LZTS3: variants seen among roughly 807,000 people sequenced by gnomAD.
LZTS3 encodes leucine zipper putative tumor suppressor 3.
Under a neutral mutation model 50.9 loss-of-function variants are expected in LZTS3, and 16 were observed. The observed-to-expected ratio is 0.31, with a 90% confidence interval of 0.21 to 0.48. LZTS3 has a LOEUF of 0.48. Ranked by LOEUF, LZTS3 falls within the 20% of genes least tolerant of loss-of-function variation. LZTS3 has a pLI of 0.99. For missense variants in LZTS3, 816 were observed against 931.0 expected (o/e 0.88, Z 1.61); for synonymous variants, 408 against 410.6 (o/e 0.99, Z 0.08).
chr20:3,165,880 G>C lies in LZTS3; in HGVS notation c.940C>G (p.Pro314Ala), dbSNP rs1222193742. ...GGGLPFAACS[P>A]PSPSALIQEL... ...TGGATGAGTGCACTGGGGGAGGGCGGTGAGCAGGCCGCGAAAGGCAGGCCT... is the reference window on the plus strand; with the variant it reads ...TGGATGAGTGCACTGGGGGAGGGCGCTGAGCAGGCCGCGAAAGGCAGGCCT... The change falls in exon 4 of 5, where the codon CCG becomes GCG. Residue 314 changes from proline (P) to alanine (A), a missense_variant. Coordinates refer to ENST00000337576, the MANE Select transcript of LZTS3 (RefSeq NM_001365618.1). This position sits in a 1 kb window ranked among gnomAD's most constrained non-coding sequence, Gnocchi z 5.0. 6.2e-7 allele frequency: 1 copy of C among 1,607,078 alleles called. No individual in the cohort carries two copies. The highest frequency in any genetic ancestry group is 8.5e-7 in the Non-Finnish European group (1 of 1,179,560).
chr20:3,171,617 G>T (rs559491272), intron 1 of LZTS3, among the ~76,000 whole-genome samples: 32 of 147,182 alleles, frequency 2.2e-4, no homozygotes, highest in African/African-American at 7.1e-4. Flanking sequence ...GTGATATTGC[G>T]CCACTGCACT....
In LZTS3 at chr20:3,166,796, C is replaced by T; in HGVS notation, c.368G>A (p.Ser123Asn). Residue 123 changes from serine (S) to asparagine (N), a missense_variant, in exon 3 of 5, where the codon AGC (serine) becomes AAC (asparagine). Physicochemically the swap from Ser to Asn is conservative, Grantham distance 46 (BLOSUM62 1). Transcript: ENST00000337576. Reference protein sequence around the residue: ...GNVVGSSGGSSSSGGSDKAPP... With the variant: ...GNVVGSSGGSNSSGGSDKAPP... ...GGCTTTGTCACTGCCACCACTGCTG[C>T]TGCTGCCTCCGCTGCTGCCAACCAC... 6.2e-7 allele frequency: 1 copy of T among 1,613,832 alleles called. No homozygotes were observed. Among genetic ancestry groups the T allele is most frequent in the Non-Finnish European group, 8.5e-7 (1 of 1,179,994 alleles).
chr20:3,172,344 A>G (rs1425820818), intron 1 of LZTS3, among the ~76,000 whole-genome samples: 1 of 152,162 alleles, frequency 6.6e-6, no homozygotes, highest in Non-Finnish European at 1.5e-5. Flanking sequence ...TTAAGAAGTA[A>G]ATGTATGATG....
Position 3,165,649 on chromosome 20 carries a change from G to T in LZTS3, c.1171C>A (p.Leu391Met). 1 of 1,594,526 alleles carries T rather than the reference G, an allele frequency of 6.3e-7. No homozygotes were observed. Among genetic ancestry groups the T allele is most frequent in the Non-Finnish European group, 8.5e-7 (1 of 1,177,562 alleles). ...TCCTGCTGCAGCCGCAACACCTGCA[G>T]CTGTAGGCCCTGCTGGGCGCGCTGG... is the stretch of plus-strand genomic sequence containing the variant. ...RAQRAQQGLQ[L>M]QVLRLQQDKK... Residue 391 changes from leucine to methionine, a missense_variant, in exon 4 of 5, where the codon CTG becomes ATG. Transcript: ENST00000337576. The surrounding 1 kb of genome is among the most constrained non-coding windows in gnomAD (Gnocchi z 5.0).
At chr20:3,171,789 G>A (rs1170915633) in intron 1 of LZTS3, among the ~76,000 whole-genome samples, 1 of 152,152 alleles carries the variant, frequency 6.6e-6, no homozygotes, top group Non-Finnish European at 1.5e-5. Context: ...AACTGAGCAT[G>A]GTCTGCAAAG....
At chr20:3,171,002 G>A (rs55916639) in intron 1 of LZTS3, among the ~76,000 whole-genome samples, 20,046 of 152,114 alleles carry the variant, frequency 0.13, 1,502 homozygotes, top group African/African-American at 0.19. Context: ...TGCCAATAGT[G>A]AGATGAAAGA....
In LZTS3 at chr20:3,167,152, C is replaced by T. The variant is rs761955768; in HGVS notation, c.12G>A (p.Leu4=). 6.8e-7 allele frequency: 1 copy of T among 1,480,108 alleles called. No individual in the cohort carries two copies. The highest frequency in any genetic ancestry group is 8.9e-7 in the Non-Finnish European group (1 of 1,120,736). 91.7% of individuals were successfully genotyped at this position (1,480,108 alleles called of 1,614,324 possible). ...GGTCAGCGCGCACAGGCAGCGTCTC[C>T]AGCTTCGCCATGACTAAGCCAGGGG... MAK[L]ETLPVRADPG... The change falls in exon 3 of 5, where the codon CTG becomes CTA. Residue 4 remains leucine (L), a synonymous_variant. Coordinates refer to ENST00000337576, the MANE Select transcript of LZTS3 (RefSeq NM_001365618.1).
chr20:3,164,766 C>A lies in LZTS3; in HGVS notation c.1710G>T (p.Thr570=). Residue 570 remains threonine, a synonymous_variant, in exon 5 of 5, where the codon ACG becomes ACT. Transcript: ENST00000337576. ...GCCCCACCTCCCGCCGCAGGGCCCG[C>A]GTCCCGCTCTCCCCGCCAGCCTCCG... The part of the protein sequence containing the change: ...GEAEAGGESG[T]RALRREVGRL... The A allele has an allele frequency of 6.6e-7, 1 of 1,521,452 alleles. No homozygotes were observed. Among genetic ancestry groups the A allele is most frequent in the African/African-American group, 1.4e-5 (1 of 70,358 alleles). The allele number at this position is 1,521,452 out of a possible 1,614,324, so 94.2% of individuals were successfully genotyped here. A position where few individuals can be genotyped will look rare whatever the true frequency, so the allele number is the denominator to read the frequency against.
In LZTS3 at chr20:3,165,304, G is replaced by C; in HGVS notation, c.1324-152C>G. Reference sequence around the variant, plus strand: ...AGCGACGCACCCGATTCCCTGCCTGGACTCAAGATGGACATGTCTCACCCA... The same window carrying C: ...AGCGACGCACCCGATTCCCTGCCTGCACTCAAGATGGACATGTCTCACCCA... On this transcript the variant is annotated intron_variant, in intron 4 of 4. Coordinates refer to ENST00000337576, the MANE Select transcript of LZTS3 (RefSeq NM_001365618.1). This position sits in a 1 kb window ranked among gnomAD's most constrained non-coding sequence, Gnocchi z 5.0. 8.6e-7 allele frequency: 1 copy of C among 1,166,758 alleles called. No homozygotes were observed. The highest frequency in any genetic ancestry group is 1.2e-6 in the Non-Finnish European group (1 of 855,854). 72.3% of individuals were successfully genotyped at this position (1,166,758 alleles called of 1,614,324 possible).
chr20:3,172,412 G>T (rs2066911936), intron 1 of LZTS3, among the ~76,000 whole-genome samples: 1 of 152,172 alleles, frequency 6.6e-6, no homozygotes, highest in African/African-American at 2.4e-5. Context: ...TTGCAGCAGG[G>T]TCCCCAAGGA....
chr20:3,170,994 C>A (rs1424040774), intron 1 of LZTS3, among the ~76,000 whole-genome samples: 1 of 151,942 alleles, frequency 6.6e-6, no homozygotes. Flanking sequence ...AGGGAAGTTG[C>A]CAATAGTGAG....
In LZTS3 at chr20:3,167,064, G is replaced by T. The variant is rs1397473678; in HGVS notation, c.100C>A (p.Arg34Ser). ...RPSELGPPDP[R>S]LAMGSVGSGV... ...CTGCCCACGCTGCCCATGGCCAGGC[G>T]GGGGTCCGGGGGTCCAAGCTCGGAG... The change falls in exon 3 of 5, where the codon CGC (arginine) becomes AGC (serine). Residue 34 changes from arginine (R) to serine (S), a missense_variant. Physicochemically the swap from Arg to Ser is moderately radical, Grantham distance 110. Transcript: ENST00000337576. 1.9e-6 allele frequency: 3 copies of T among 1,552,160 alleles called. No individual in the cohort carries two copies. The highest frequency in any genetic ancestry group is 2.6e-6 in the Non-Finnish European group (3 of 1,152,046).
intron 1 of LZTS3, among the ~76,000 whole-genome samples, chr20:3,170,486 C>CAAAAAAAA (rs397955055): frequency 0.16 from 11,302 of 71,862 alleles, 1,657 homozygotes; most frequent in African/African-American, 0.28. Context: ...GAGACTACAT[C>CAAAAAAAA]AAAAAAAAAA....
chr20:3,166,862 C>G lies in LZTS3; in HGVS notation c.302G>C (p.Gly101Ala). Residue 101 changes from glycine (G) to alanine (A), a missense_variant, in exon 3 of 5, where the codon GGT (glycine) becomes GCT (alanine). Physicochemically the swap from Gly to Ala is moderately conservative, Grantham distance 60 (BLOSUM62 0). Coordinates refer to ENST00000337576, the MANE Select transcript of LZTS3 (RefSeq NM_001365618.1). ...KGLANSLYLN[G>A]ELRGSDHTDV... Reference sequence around the variant, plus strand: ...GGTGTGGTCACTGCCCCGCAGCTCACCATTGAGGTAGAGGGAGTTGGCGAG... The same window carrying G: ...GGTGTGGTCACTGCCCCGCAGCTCAGCATTGAGGTAGAGGGAGTTGGCGAG... The G allele has an allele frequency of 6.2e-7, 1 of 1,613,842 alleles. No homozygotes were observed.
chr20:3,173,061 G>A (rs2066918540), intron 1 of LZTS3, among the ~76,000 whole-genome samples: 1 of 151,990 alleles, frequency 6.6e-6, no homozygotes, highest in African/African-American at 2.4e-5. Context: ...GGTGGGAGGG[G>A]GGGTCGCCAT....
rs760762413 is a variant in LZTS3, at chr20:3,166,210, G to A, written c.610C>T (p.Arg204Trp). Residue 204 changes from arginine to tryptophan, a missense_variant, in exon 4 of 5, where the codon CGG becomes TGG. By Grantham distance (101) the Arg-to-Trp change is moderately radical. Coordinates refer to ENST00000337576, the MANE Select transcript of LZTS3 (RefSeq NM_001365618.1). ...GGLKGGLDKS[R>W]TMTPAGGSGS... ...CTCCCACCCGCTGGAGTCATGGTCC[G>A]AGACTTGTCCAGTCCGCCTTTGAGG... 1.3e-5 allele frequency: 21 copies of A among 1,613,630 alleles called. No homozygotes were observed. In the Admixed American group the frequency reaches 1.7e-4, roughly 13 times the overall value.
chr20:3,164,954 C>T lies in LZTS3; in HGVS notation c.1522G>A (p.Gly508Ser), dbSNP rs1407762118. 1.9e-6 allele frequency: 3 copies of T among 1,555,400 alleles called. No homozygotes were observed. Among genetic ancestry groups the T allele is most frequent in the Admixed American group, 1.9e-5 (1 of 52,690 alleles). Residue 508 changes from glycine to serine, a missense_variant, in exon 5 of 5, where the codon GGC becomes AGC. Gly to Ser is a moderately conservative substitution (Grantham distance 56). Transcript: ENST00000337576. ...CAGGCGGCAGGCAGCTCGCCTTCGCCCAGCTCCAGGCTGGCCTGCTTGCTG... is the reference window on the plus strand; with the variant it reads ...CAGGCGGCAGGCAGCTCGCCTTCGCTCAGCTCCAGGCTGGCCTGCTTGCTG... Reference protein sequence around the residue: ...FSSKQASLELGEGELPAACLK... With the variant: ...FSSKQASLELSEGELPAACLK...
In LZTS3 at chr20:3,166,789, A is replaced by ACTG. The variant is rs769528398; in HGVS notation, c.372_374dup (p.Ser125dup). The ACTG allele has an allele frequency of 1.9e-6, 3 of 1,613,484 alleles. No homozygotes were observed. The Admixed American group carries it at 5.0e-5, about 27-fold the overall frequency. On this transcript the variant is annotated inframe_insertion, in exon 3 of 5. Coordinates refer to ENST00000337576, the MANE Select transcript of LZTS3 (RefSeq NM_001365618.1). ...GCGGTGGGGCTTTGTCACTGCCACC[A>ACTG]CTGCTGCTGCTGCCTCCGCTGCTGC...
rs1030382091 is a variant in LZTS3, at chr20:3,165,397, C to G, written c.1323+100G>C. 2.8e-5 allele frequency: 33 copies of G among 1,173,700 alleles called. No homozygotes were observed. The highest frequency in any genetic ancestry group is 7.7e-5 in the Admixed American group (3 of 38,840). 72.7% of individuals were successfully genotyped at this position (1,173,700 alleles called of 1,614,324 possible). Reference sequence around the variant, plus strand: ...TGTCCCCCCTGCTCCTTTCATCCCCCCCCCCATCCCACCGTTATGATAGTG... The same window carrying G: ...TGTCCCCCCTGCTCCTTTCATCCCCGCCCCCATCCCACCGTTATGATAGTG... On this transcript the variant is annotated intron_variant, in intron 4 of 4. Transcript: ENST00000337576. The surrounding 1 kb of genome is among the most constrained non-coding windows in gnomAD (Gnocchi z 5.0).
Sources: allele counts gnomAD v4.1 joint callset (sites outside exome capture counted in the v4.1 genomes callset), GRCh38; gene constraint gnomAD v4.1.1; non-coding constraint Gnocchi (gnomAD v3.1); transcripts MANE v1.5; gene names NCBI Gene and HGNC (gene_info 2026-07-23, HGNC 2026-07-21).